TRIM37: variants seen among roughly 807,000 people sequenced by gnomAD.
TRIM37 encodes tripartite motif containing 37, also known as E3 ubiquitin-protein ligase TRIM37.
TRIM37 carries 80 observed loss-of-function variants against 129.8 expected under a neutral mutation model. The observed-to-expected ratio is 0.62, with a 90% CI of 0.51 to 0.74. The LOEUF is 0.74. TRIM37 is among the 30% of genes least tolerant of loss of function. The pLI, the probability that TRIM37 is intolerant of heterozygous loss-of-function variation, is 0.00. For synonymous variants in TRIM37, 389 were observed against 387.1 expected, an observed-to-expected ratio of 1.00 and a Z score of -0.06; for missense variants, 1,054 against 1,176.5, an observed-to-expected ratio of 0.90 and a Z score of 1.52.
At chr17:59,021,025 C>T (rs1232434344) in intron 19 of TRIM37, among the ~76,000 whole-genome samples, 1 of 152,190 alleles carries the variant, frequency 6.6e-6, no homozygotes, top group Non-Finnish European at 1.5e-5. Context: ...TATCTGCATT[C>T]CCATGTTTAC....
At position 58,999,282 on chromosome 17, in the gene TRIM37, A is replaced by C; in HGVS notation, c.*95T>G. The C allele has an allele frequency of 6.2e-7, 1 of 1,608,730 alleles. No homozygotes were observed. The highest frequency in any genetic ancestry group is 1.1e-5 in the South Asian group (1 of 90,336). On this transcript the variant is annotated 3_prime_UTR_variant, in exon 24 of 24. Coordinates refer to ENST00000262294, the MANE Select transcript of TRIM37 (RefSeq NM_015294.6). ...GTCGAGATAATGAAGAAATAAGACC[A>C]AATCTGATTATCTGACTGATGACAA... is the stretch of plus-strand genomic sequence containing the variant.
chr17:59,067,870 A>G (rs1383086721), intron 9 of TRIM37, among the ~76,000 whole-genome samples: 1 of 152,196 alleles, frequency 6.6e-6, no homozygotes, highest in Non-Finnish European at 1.5e-5. Flanking sequence ...TCTCCCATGC[A>G]GCACCTACAA....
At chr17:59,064,842 T>G (rs1245064015) in intron 9 of TRIM37, among the ~76,000 whole-genome samples, 1 of 138,780 alleles carries the variant, frequency 7.2e-6, no homozygotes, top group Non-Finnish European at 1.6e-5. Flanking sequence ...ACCCTAGAGG[T>G]GGAGGTTGCG....
intron 2 of TRIM37, among the ~76,000 whole-genome samples, chr17:59,093,827 C>G (rs2044617897): frequency 6.6e-6 from 1 of 152,116 alleles, no homozygotes; most frequent in African/African-American, 2.4e-5. Flanking sequence ...CCTGCCTTTC[C>G]CAGGCTATAG....
intron 4 of TRIM37, 69 bp downstream of exon 4, chr17:59,088,222 A>G: frequency 2.1e-6 from 2 of 953,908 alleles, no homozygotes; most frequent in South Asian, 2.6e-5. Context: ...GGCAACTACC[A>G]ATATAGTGTC....
chr17:59,100,406 A>T (rs956927788), intron 2 of TRIM37, among the ~76,000 whole-genome samples: 1 of 152,188 alleles, frequency 6.6e-6, no homozygotes, highest in Admixed American at 6.5e-5. Context: ...ATGGAATACT[A>T]CTTAGCAATA....
chr17:58,992,322 AATATAT>A (rs35222079), intron 24 of TRIM37, among the ~76,000 whole-genome samples: 5 of 137,792 alleles, frequency 3.6e-5, no homozygotes, highest in Non-Finnish European at 1.5e-5. Flanking sequence ...TACATATGTA[AATATAT>A]ATATATATAT....
intron 16 of TRIM37, among the ~76,000 whole-genome samples, chr17:59,042,417 GA>G (rs2039278594): frequency 1.6e-5 from 1 of 62,340 alleles, no homozygotes; most frequent in African/African-American, 6.7e-5. Flanking sequence ...AGAAAGCTAA[GA>G]AAAAAAGGAA....
chr17:59,014,936 C>T (rs1273082752), intron 21 of TRIM37, among the ~76,000 whole-genome samples: 4 of 149,084 alleles, frequency 2.7e-5, no homozygotes, highest in South Asian at 2.1e-4. Context: ...ATCAGCTGGG[C>T]GTGGTGGTGG....
At chr17:59,017,673 G>A (rs1003233978) in intron 19 of TRIM37, among the ~76,000 whole-genome samples, 3 of 151,794 alleles carry the variant, frequency 2.0e-5, no homozygotes, top group Non-Finnish European at 2.9e-5. Context: ...TGCCCAGGCT[G>A]GAGTGCAATG....
chr17:59,025,121 A>T (rs900466080), intron 19 of TRIM37, among the ~76,000 whole-genome samples: 1 of 152,228 alleles, frequency 6.6e-6, no homozygotes, highest in African/African-American at 2.4e-5. Context: ...CATGTTTGGG[A>T]ATCTGGTCTA....
intron 9 of TRIM37, among the ~76,000 whole-genome samples, chr17:59,065,657 T>C (rs148174144): frequency 6.6e-6 from 1 of 152,340 alleles, no homozygotes; most frequent in African/African-American, 2.4e-5. Flanking sequence ...ATAAATTTGA[T>C]ATATAAAATT....
chr17:59,033,144 G>A (rs1304951343), intron 17 of TRIM37, among the ~76,000 whole-genome samples: 2 of 152,086 alleles, frequency 1.3e-5, no homozygotes, highest in African/African-American at 4.8e-5. Context: ...TTAAAACAAT[G>A]CTACACGCAG....
the TRIM37 span, among the ~76,000 whole-genome samples, chr17:58,971,488 T>C: frequency 2.0e-5 from 3 of 152,132 alleles, no homozygotes; most frequent in African/African-American, 7.2e-5. Flanking sequence ...TGCAGTGAAA[T>C]TCCAGGCTGT....
Position 58,999,073 on chromosome 17 carries a change from C to G in TRIM37, c.*304G>C. On this transcript the variant is annotated 3_prime_UTR_variant, in exon 24 of 24. Coordinates refer to ENST00000262294, the MANE Select transcript of TRIM37 (RefSeq NM_015294.6). ...GGAGGTACATTTTCTGGCAGTTAAC[C>G]AGCCTTCTGCTGTAGTAGACAAACT... 1 of 1,186,732 alleles carries G rather than the reference C, an allele frequency of 8.4e-7. No individual in the cohort carries two copies. Among genetic ancestry groups the G allele is most frequent in the Non-Finnish European group, 1.1e-6 (1 of 951,284 alleles). The allele number at this position is 1,186,732 out of a possible 1,614,324, so 73.5% of individuals were successfully genotyped here.
At chr17:59,065,052 G>A (rs1346897224) in intron 9 of TRIM37, among the ~76,000 whole-genome samples, 1 of 151,992 alleles carries the variant, frequency 6.6e-6, no homozygotes, top group Non-Finnish European at 1.5e-5. Context: ...CTCTGTCTCA[G>A]TCAACCAATA....
chr17:58,973,006 G>A, the TRIM37 span: 1 of 870,888 alleles, frequency 1.1e-6, no homozygotes, highest in South Asian at 1.6e-5. Flanking sequence ...CAGGGAACCT[G>A]AGATGATAAT....
chr17:59,090,420 T>C (rs2044186755), intron 3 of TRIM37, among the ~76,000 whole-genome samples: 1 of 152,080 alleles, frequency 6.6e-6, no homozygotes, highest in South Asian at 2.1e-4. Flanking sequence ...GGCACAATCA[T>C]ACTGGATTAG....
intron 24 of TRIM37, among the ~76,000 whole-genome samples, chr17:58,989,023 A>G (rs953154589): frequency 1.3e-5 from 2 of 152,240 alleles, no homozygotes; most frequent in African/African-American, 4.8e-5. Flanking sequence ...TGTAAAAACT[A>G]TTCACCAAAG....
Sources: allele counts gnomAD v4.1 joint callset (sites outside exome capture counted in the v4.1 genomes callset), GRCh38; gene constraint gnomAD v4.1.1; transcripts MANE v1.5; gene names NCBI Gene and HGNC (gene_info 2026-07-23, HGNC 2026-07-21).